Variants in SAA2 observed in about 807,000 individuals in gnomAD.
The protein encoded by SAA2 is serum amyloid A2, also known as serum amyloid A-2 protein.
Under a neutral mutation model 9.1 loss-of-function variants are expected in SAA2, and 5 were observed. The ratio of observed to expected loss-of-function variants is 0.55; its 90% CI spans 0.29 to 1.16. The LOEUF (loss-of-function observed/expected upper bound fraction) is 1.16, where lower values mean the gene tolerates loss of function less well. Ranked by LOEUF, SAA2 falls within the 50% of genes most tolerant of loss-of-function variation. The pLI is 0.09. For missense variants in SAA2, 94 were observed against 153.8 expected (o/e 0.61, Z 2.06); for synonymous variants, 49 against 59.8 (o/e 0.82, Z 0.83).
chr11:18,246,559 G>T (rs944885437), intron 2 of SAA2, among the ~76,000 whole-genome samples: 1 of 152,108 alleles, frequency 6.6e-6, no homozygotes, highest in Non-Finnish European at 1.5e-5. Context: ...TTTAGACGGA[G>T]TCTCACTCTG....
chr11:18,244,656 C>T (rs949912768), downstream of SAA2, among the ~76,000 whole-genome samples: 3 of 152,222 alleles, frequency 2.0e-5, no homozygotes, highest in African/African-American at 7.2e-5. Context: ...GGCTCTCTCT[C>T]CACTGCCACC....
rs1857288337 is a variant in SAA2 at position 18,239,706 on chromosome 11, C to T, written c.*242G>A. The T allele has an allele frequency of 1.1e-5, 5 of 441,414 alleles. No homozygotes were observed. In the South Asian group the frequency reaches 3.7e-4, roughly 33 times the overall value. 27.3% of individuals were successfully genotyped at this position (441,414 alleles called of 1,614,324 possible). ...TCCTTTCCCAACAGCTGCTCCTTCTCAGTCTGTTTTGCTGTATCCAGCTTC... is the reference window on the plus strand; with the variant it reads ...TCCTTTCCCAACAGCTGCTCCTTCTTAGTCTGTTTTGCTGTATCCAGCTTC... On this transcript the variant is annotated 3_prime_UTR_variant, in exon 4 of 4. Transcript: ENST00000414546.
downstream of SAA2, among the ~76,000 whole-genome samples, chr11:18,243,968 A>C (rs1306453666): frequency 6.6e-6 from 1 of 152,200 alleles, no homozygotes; most frequent in East Asian, 1.9e-4. Flanking sequence ...GCCAAGCAGG[A>C]GATGAAGACA....
In SAA2 at chr11:18,248,043, C is replaced by T. The variant is rs369044045; in HGVS notation, c.-4-28G>A. 1,513 of 1,608,710 alleles carry T rather than the reference C, an allele frequency of 9.4e-4. 9 individuals carry two copies. In the African/African-American group the frequency reaches 0.018, roughly 19 times the overall value. On this transcript the variant is annotated intron_variant, in intron 1 of 3. Coordinates refer to ENST00000256733, the MANE Select transcript of SAA2 (RefSeq NM_030754.5). Reference sequence around the variant, plus strand: ...GAAATGAAAGGAGAAGTCAGGCAGTCGCCCACAAGACTGGCACAGCTTCCC... The same window carrying T: ...GAAATGAAAGGAGAAGTCAGGCAGTTGCCCACAAGACTGGCACAGCTTCCC...
At chr11:18,242,634 C>T (rs1447508739), downstream of SAA2, 1 of 590,180 alleles carries the variant, frequency 1.7e-6, no homozygotes. Flanking sequence ...TCACTTGAGC[C>T]CAGGAGTTCA....
downstream of SAA2, among the ~76,000 whole-genome samples, chr11:18,244,647 G>GCT (rs979664928): frequency 1.3e-5 from 2 of 152,024 alleles, no homozygotes; most frequent in African/African-American, 4.8e-5. Flanking sequence ...TCTCTATCTG[G>GCT]CTCTCTCTCC....
intron 2 of SAA2, among the ~76,000 whole-genome samples, chr11:18,247,568 T>A (rs1857615435): frequency 7.1e-6 from 1 of 140,336 alleles, no homozygotes; most frequent in Non-Finnish European, 1.5e-5. Context: ...AGGCAGCGGC[T>A]CAAATCTTAA....
At chr11:18,239,835 G>T in exon 4 of SAA2, 1 of 1,385,858 alleles carries the variant, frequency 7.2e-7, no homozygotes, top group Non-Finnish European at 9.7e-7. Flanking sequence ...TCTTAGCACA[G>T]GTTCCAAAGG....
intron 3 of SAA2, 94 bp from the exon 4 acceptor site, chr11:18,245,609 G>C (rs1857487193): frequency 1.3e-6 from 2 of 1,521,958 alleles, no homozygotes; most frequent in Middle Eastern, 1.7e-4. Flanking sequence ...AGGGCTCAGA[G>C]AGGAGCCCAG....
At chr11:18,243,950 G>A (rs934223981), downstream of SAA2, among the ~76,000 whole-genome samples, 1 of 152,178 alleles carries the variant, frequency 6.6e-6, no homozygotes, top group East Asian at 1.9e-4. Flanking sequence ...CATAGAGGGC[G>A]CTAGAGGGCC....
At chr11:18,244,571 T>A (rs1437800500), downstream of SAA2, among the ~76,000 whole-genome samples, 1 of 152,196 alleles carries the variant, frequency 6.6e-6, no homozygotes, top group Non-Finnish European at 1.5e-5. Context: ...TATATTAAAA[T>A]TTCCCTTTTC....
At chr11:18,241,743 C>T (rs1234016294), downstream of SAA2, among the ~76,000 whole-genome samples, 1 of 152,038 alleles carries the variant, frequency 6.6e-6, no homozygotes, top group African/African-American at 2.4e-5. Flanking sequence ...ACACTGGAGA[C>T]TCAGAAAGAT....
exon 4 of SAA2, chr11:18,239,717 G>C: frequency 2.2e-6 from 1 of 460,300 alleles, no homozygotes; most frequent in African/African-American, 2.0e-5. Flanking sequence ...AGTCTGTTTT[G>C]CTGTATCCAG....
At chr11:18,244,248 C>T (rs2134139176), downstream of SAA2, among the ~76,000 whole-genome samples, 1 of 152,334 alleles carries the variant, frequency 6.6e-6, no homozygotes, top group African/African-American at 2.4e-5. Context: ...AGATACAGTT[C>T]ACTCCAGAGC....
At chr11:18,239,708 G>A in exon 4 of SAA2, 1 of 443,278 alleles carries the variant, frequency 2.3e-6, no homozygotes, top group East Asian at 3.4e-5. Flanking sequence ...CTCCTTCTCA[G>A]TCTGTTTTGC....
At chr11:18,245,766 C>T (rs1857499360) in intron 3 of SAA2, 144 bp downstream of exon 3, 11 of 1,457,080 alleles carry the variant, frequency 7.5e-6, no homozygotes, top group Non-Finnish European at 1.0e-5. Context: ...CAGACCCTCA[C>T]ACTGAGCACA....
downstream of SAA2, chr11:18,242,771 C>A (rs192214175): frequency 2.9e-6 from 2 of 700,632 alleles, no homozygotes; most frequent in South Asian, 1.5e-5. Context: ...TCTTGAGCCC[C>A]GGGAGGTCGA....
chr11:18,243,415 A>G (rs751087392), downstream of SAA2, among the ~76,000 whole-genome samples: 32 of 152,198 alleles, frequency 2.1e-4, no homozygotes, highest in Non-Finnish European at 4.1e-4. Context: ...AGCATTTACA[A>G]TTGCTATTGT....
In SAA2 at chr11:18,247,998, G is replaced by A. The variant is rs368974999; in HGVS notation, c.14C>T (p.Thr5Met). Residue 5 changes from threonine to methionine, a missense_variant, in exon 2 of 4, where the codon ACG becomes ATG. By Grantham distance (81) the Thr-to-Met change is moderately conservative. Around this residue, in one of 2 missense-constraint regions of SAA2, gnomAD observed 32 missense variants for 95.5 expected, o/e 0.34. Coordinates refer to ENST00000256733, the MANE Select transcript of SAA2 (RefSeq NM_030754.5). MKLL[T>M]GLVFCSLVLS... Reference sequence around the variant, plus strand: ...GACCAAGGAGCAGAAAACCAGGCCCGTGAGAAGCTTCATGGTGCTGAAATG... The same window carrying A: ...GACCAAGGAGCAGAAAACCAGGCCCATGAGAAGCTTCATGGTGCTGAAATG... 26 of 1,613,222 alleles carry A rather than the reference G, an allele frequency of 1.6e-5. No individual in the cohort carries two copies. The highest frequency in any genetic ancestry group is 6.7e-5 in the African/African-American group (5 of 74,792).
Sources: gnomAD v4.1 joint callset for allele counts (sites outside exome capture counted in the v4.1 genomes callset) on GRCh38, gnomAD v4.1.1 for gene constraint, gnomAD v4.1.1 regional missense constraint, MANE v1.5 for transcripts, NCBI Gene and HGNC (gene_info 2026-07-23, HGNC 2026-07-21) for gene names.